PCA3: variants seen among roughly 807,000 people sequenced by gnomAD.
PCA3 encodes the protein Differential Display code 3.
intron 2 of PCA3, among the ~76,000 whole-genome samples, chr9:76,766,010 G>A (rs1298335528): frequency 2.0e-5 from 3 of 151,778 alleles, no homozygotes; most frequent in South Asian, 2.1e-4. Context: ...ATGAAACCCC[G>A]TCTCTACTAA....
chr9:76,769,453 G>A (rs1383159375), intron 2 of PCA3, among the ~76,000 whole-genome samples: 2 of 151,970 alleles, frequency 1.3e-5, no homozygotes, highest in Non-Finnish European at 2.9e-5. Flanking sequence ...TAAGAGTTTC[G>A]CTCTTCTTGC....
chr9:76,780,081 G>A (rs918696750), intron 2 of PCA3, among the ~76,000 whole-genome samples: 2 of 152,108 alleles, frequency 1.3e-5, no homozygotes, highest in Non-Finnish European at 2.9e-5. Context: ...TGTCTTTGTT[G>A]CCTTTTAATT....
chr9:76,774,840 A>G (rs1379070033), intron 2 of PCA3, among the ~76,000 whole-genome samples: 2 of 152,194 alleles, frequency 1.3e-5, no homozygotes, highest in Non-Finnish European at 2.9e-5. Flanking sequence ...ACCTTTGAGT[A>G]GTGAAAAGAT....
intron 2 of PCA3, among the ~76,000 whole-genome samples, chr9:76,776,006 T>C (rs1217907813): frequency 1.3e-5 from 2 of 152,222 alleles, no homozygotes; most frequent in African/African-American, 2.4e-5. Flanking sequence ...GGGATAGGAA[T>C]AAGAAAGAAC....
intron 2 of PCA3, among the ~76,000 whole-genome samples, chr9:76,771,543 G>A (rs1366509014): frequency 6.6e-6 from 1 of 152,190 alleles, no homozygotes; most frequent in African/African-American, 2.4e-5. Flanking sequence ...GGGGGTCAGG[G>A]ATTGCTGGAG....
At chr9:76,769,584 T>A (rs1045463625) in intron 2 of PCA3, among the ~76,000 whole-genome samples, 1 of 152,172 alleles carries the variant, frequency 6.6e-6, no homozygotes, top group African/African-American at 2.4e-5. Flanking sequence ...TGCCACCATG[T>A]CCGGCTAATT....
At chr9:76,773,060 T>A (rs1250672556) in intron 2 of PCA3, among the ~76,000 whole-genome samples, 6 of 152,242 alleles carry the variant, frequency 3.9e-5, no homozygotes, top group Non-Finnish European at 1.5e-5. Flanking sequence ...ATCAACAATA[T>A]AATTTCTTAC....
At chr9:76,774,216 G>A (rs573034470) in intron 2 of PCA3, among the ~76,000 whole-genome samples, 26 of 151,088 alleles carry the variant, frequency 1.7e-4, no homozygotes, top group Non-Finnish European at 3.4e-4. Context: ...GCTCACTGCA[G>A]CCTCAACCTC....
chr9:76,787,197 C>G (rs2055072787), intron 2 of PCA3: 1 of 152,006 alleles, frequency 6.6e-6, no homozygotes, highest in Admixed American at 6.6e-5. Flanking sequence ...TCTTGGCATA[C>G]TATATCAACT....
At chr9:76,774,453 T>TA (rs370472844) in intron 2 of PCA3, among the ~76,000 whole-genome samples, 44,511 of 122,062 alleles carry the variant, frequency 0.36, 9,103 homozygotes, top group African/African-American at 0.56. Context: ...TTCAACCCTT[T>TA]TTTTTTTTTT....
At chr9:76,766,641 G>A (rs536687903) in intron 2 of PCA3, among the ~76,000 whole-genome samples, 3 of 151,906 alleles carry the variant, frequency 2.0e-5, no homozygotes, top group South Asian at 2.1e-4. Flanking sequence ...TTCATCCTGC[G>A]CCACTTCCCC....
intron 2 of PCA3, among the ~76,000 whole-genome samples, chr9:76,765,261 G>T (rs185139299): frequency 6.6e-6 from 1 of 152,250 alleles, no homozygotes; most frequent in East Asian, 1.9e-4. Flanking sequence ...CTTCCAGCAG[G>T]TGGGGGGCAT....
At chr9:76,767,835 C>T (rs76639463) in intron 2 of PCA3, among the ~76,000 whole-genome samples, 134 of 152,304 alleles carry the variant, frequency 8.8e-4, no homozygotes, top group Non-Finnish European at 1.4e-3. Context: ...CTGTCCTTTT[C>T]GGTGTTTTCA....
At chr9:76,781,061 G>A (rs929498279) in intron 2 of PCA3, among the ~76,000 whole-genome samples, 2 of 152,152 alleles carry the variant, frequency 1.3e-5, no homozygotes, top group Non-Finnish European at 2.9e-5. Flanking sequence ...AAATAAATTA[G>A]ATATATTAAA....
intron 2 of PCA3, among the ~76,000 whole-genome samples, chr9:76,775,539 A>T (rs907143320): frequency 3.3e-5 from 5 of 152,008 alleles, no homozygotes; most frequent in Non-Finnish European, 5.9e-5. Flanking sequence ...CAGCTTAAGC[A>T]ATCTGCCTGC....
chr9:76,786,885 C>G (rs1407331152), intron 2 of PCA3: 2 of 152,178 alleles, frequency 1.3e-5, no homozygotes, highest in African/African-American at 4.8e-5. Context: ...AATGAGAAAC[C>G]CAGTGGCTCC....
chr9:76,783,554 A>G (rs1486615439), intron 2 of PCA3, among the ~76,000 whole-genome samples: 1 of 152,162 alleles, frequency 6.6e-6, no homozygotes, highest in Non-Finnish European at 1.5e-5. Context: ...GCCCACTGAA[A>G]TAAGTATTAA....
chr9:76,771,459 TGCTCAAGGAGACA>T, intron 2 of PCA3, among the ~76,000 whole-genome samples: 1 of 152,190 alleles, frequency 6.6e-6, no homozygotes, highest in Non-Finnish European at 1.5e-5. Flanking sequence ...GCAGAGTCCC[TGCTCAAGGAGACA>T]GACACAAACT....
At chr9:76,784,278 T>A (rs2054744258) in intron 2 of PCA3, 1 of 152,162 alleles carries the variant, frequency 6.6e-6, no homozygotes, top group African/African-American at 2.4e-5. Flanking sequence ...TGAACGGGAT[T>A]ACAGATTTGA....
Sources: gnomAD v4.1 joint callset for allele counts (sites outside exome capture counted in the v4.1 genomes callset) on GRCh38, gnomAD v4.1.1 for gene constraint, MANE v1.5 for transcripts, NCBI Gene and HGNC (gene_info 2026-07-23, HGNC 2026-07-21) for gene names.